The following MOV10L1 variants were observed in gnomAD, a reference collection of about 807,000 sequenced individuals.
The protein encoded by MOV10L1 is RNA helicase Mov10l1.
A neutral mutation model predicts 143.8 loss-of-function variants in MOV10L1; 110 were observed. The ratio of observed to expected loss-of-function variants is 0.76; its 90% CI spans 0.66 to 0.90. The LOEUF is 0.90. MOV10L1 is among the 40% of genes least tolerant of loss of function. MOV10L1 has a pLI of 0.00. For missense variants in MOV10L1, 1,406 were observed against 1,526.8 expected, an observed-to-expected ratio of 0.92 and a Z score of 1.32; for synonymous variants, 593 against 581.1, an observed-to-expected ratio of 1.02 and a Z score of -0.29.
chr22:50,126,144 G>A, intron 11 of MOV10L1, 58 bp from the exon 12 acceptor site: 1 of 1,252,894 alleles, frequency 8.0e-7, no homozygotes, highest in Non-Finnish European at 1.2e-6. Context: ...TTATAGGACA[G>A]CACAGAAATT....
chr22:50,099,510 C>T lies in MOV10L1; in HGVS notation c.350C>T (p.Pro117Leu), dbSNP rs149582724. 1.9e-6 allele frequency: 3 copies of T among 1,614,026 alleles called. No individual in the cohort carries two copies. Among genetic ancestry groups the T allele is most frequent in the African/African-American group, 2.7e-5 (2 of 74,916 alleles). Residue 117 changes from proline to leucine, a missense_variant, in exon 3 of 27, where the codon CCC (proline) becomes CTC (leucine). Around this residue, in one of 3 missense-constraint regions of MOV10L1, gnomAD observed 166 missense variants for 153.9 expected, o/e 1.08. Coordinates refer to ENST00000262794, the MANE Select transcript of MOV10L1 (RefSeq NM_018995.3). ...CATGGGAGTCCCTCAGACTGCGGCC[C>T]CCGAGTGTTGATTGGCTGTGTGACT... ...RNHGSPSDCGPRVLIGCVTSL... is the reference protein window; with the variant it reads ...RNHGSPSDCGLRVLIGCVTSL...
chr22:50,136,196 A>G (rs945156933), intron 15 of MOV10L1, among the ~76,000 whole-genome samples: 1 of 151,972 alleles, frequency 6.6e-6, no homozygotes, highest in African/African-American at 2.4e-5. Flanking sequence ...TCTTCCTTGG[A>G]CAGTGCTTTT....
rs774957726 is a variant in MOV10L1, at chr22:50,145,773, T to C, written c.2590T>C (p.Cys864Arg). 2.5e-6 allele frequency: 4 copies of C among 1,613,988 alleles called. No homozygotes were observed. In the African/African-American group the frequency reaches 5.3e-5, roughly 22 times the overall value. ...ACGCTTCCGGATAATCATCACCACA[T>C]GCAGCAGCTCAGGGCTGTTTTACCA... ...ASRFRIIITTCSSSGLFYQIG... is the reference protein window; with the variant it reads ...ASRFRIIITTRSSSGLFYQIG... The change falls in exon 19 of 27, where the codon TGC (cysteine) becomes CGC (arginine). Residue 864 changes from cysteine to arginine, a missense_variant. Physicochemically the swap from Cys to Arg is radical, Grantham distance 180 (BLOSUM62 -3). Coordinates refer to ENST00000262794, the MANE Select transcript of MOV10L1 (RefSeq NM_018995.3).
In MOV10L1 at chr22:50,090,052, C is replaced by CAGCGGCGGT; in HGVS notation, c.-36_-28dup. On this transcript the variant is annotated 5_prime_UTR_variant, in exon 1 of 27. Transcript: ENST00000262794. ...CGGCGCGGGCGCGTGCGGGCGGCGG[C>CAGCGGCGGT]AGCGGCGGTGACGGCAGCCTAGGCC... 3.6e-6 allele frequency: 3 copies of CAGCGGCGGT among 837,676 alleles called. No individual in the cohort carries two copies. Among genetic ancestry groups the CAGCGGCGGT allele is most frequent in the Non-Finnish European group, 4.6e-6 (3 of 656,136 alleles). 51.9% of individuals were successfully genotyped at this position (837,676 alleles called of 1,614,324 possible).
chr22:50,153,277 G>A, intron 22 of MOV10L1, 59 bp downstream of exon 22: 4 of 1,521,358 alleles, frequency 2.6e-6, no homozygotes, highest in Non-Finnish European at 3.6e-6. Context: ...ATGGCAGGAG[G>A]TCCTTCCTCC....
intron 9 of MOV10L1, among the ~76,000 whole-genome samples, chr22:50,118,149 C>T (rs886446409): frequency 1.2e-4 from 19 of 152,164 alleles, no homozygotes. Context: ...TGGACTTCTA[C>T]TTAGTTGCAG....
chr22:50,153,139 A>G lies in MOV10L1; in HGVS notation c.2987A>G (p.Asp996Gly). The G allele has an allele frequency of 3.7e-6, 6 of 1,613,862 alleles. No individual in the cohort carries two copies. The highest frequency in any genetic ancestry group is 5.1e-6 in the Non-Finnish European group (6 of 1,179,920). ...CACAGGGAACTCGAGGTCTGTGCGG[A>G]CCCCACAGTGGTGACCTCCTTGCTG... ...FYHRELEVCA[D>G]PTVVTSLLGW... The change falls in exon 22 of 27, where the codon GAC (aspartate) becomes GGC (glycine). Residue 996 changes from aspartate (D) to glycine (G), a missense_variant. Asp to Gly is a moderately conservative substitution (Grantham distance 94). Coordinates refer to ENST00000262794, the MANE Select transcript of MOV10L1 (RefSeq NM_018995.3).
chr22:50,153,271 C>T, intron 22 of MOV10L1, 53 bp downstream of exon 22: 1 of 1,540,590 alleles, frequency 6.5e-7, no homozygotes, highest in Non-Finnish European at 8.8e-7. Flanking sequence ...GACAGTATGG[C>T]AGGAGGTCCT....
At chr22:50,117,540 C>G (rs538928795) in intron 9 of MOV10L1, among the ~76,000 whole-genome samples, 189 bp downstream of exon 9, 1 of 152,242 alleles carries the variant, frequency 6.6e-6, no homozygotes, top group East Asian at 1.9e-4. Flanking sequence ...CTCTGAAGGT[C>G]AAGTTCTGTC....
intron 1 of MOV10L1, chr22:50,090,891 G>T (rs550416662): frequency 7.7e-6 from 2 of 261,008 alleles, no homozygotes; most frequent in East Asian, 1.2e-4. Context: ...GGTCAGGCTG[G>T]TCTCGAACTC....
chr22:50,135,748 C>T (rs991952316), intron 15 of MOV10L1, among the ~76,000 whole-genome samples: 1 of 139,184 alleles, frequency 7.2e-6, no homozygotes, highest in African/African-American at 2.7e-5. Flanking sequence ...GAGACTCCAT[C>T]TCAAAAAAAA....
chr22:50,151,395 C>G (rs1477086847), intron 21 of MOV10L1, among the ~76,000 whole-genome samples: 1 of 152,234 alleles, frequency 6.6e-6, no homozygotes, highest in Non-Finnish European at 1.5e-5. Flanking sequence ...CTGTAGCCCA[C>G]AGAAAAACAG....
At chr22:50,149,531 G>A (rs2063238668) in intron 19 of MOV10L1, 84 bp from the exon 20 acceptor site, 3 of 1,369,728 alleles carry the variant, frequency 2.2e-6, no homozygotes, top group Non-Finnish European at 3.0e-6. Flanking sequence ...CCGGGGTGCT[G>A]AGCGTGGCTT....
intron 9 of MOV10L1, among the ~76,000 whole-genome samples, chr22:50,118,381 G>A (rs1056495149): frequency 2.6e-5 from 4 of 152,130 alleles, no homozygotes; most frequent in African/African-American, 7.2e-5. Context: ...GCAGTTTTCT[G>A]GCACAAAGCA....
chr22:50,160,414 T>A (rs2063527325), intron 24 of MOV10L1, among the ~76,000 whole-genome samples: 1 of 133,364 alleles, frequency 7.5e-6, no homozygotes. Flanking sequence ...GCCCAGCTAA[T>A]TTTTTTTTTT....
In MOV10L1 at chr22:50,128,402, T is replaced by G. The variant is rs1384125620; in HGVS notation, c.1819-14T>G. 7.6e-7 allele frequency: 1 copy of G among 1,310,484 alleles called. No individual in the cohort carries two copies. Among genetic ancestry groups the G allele is most frequent in the Non-Finnish European group, 1.1e-6 (1 of 921,828 alleles). 81.2% of individuals were successfully genotyped at this position (1,310,484 alleles called of 1,614,324 possible). ...ATTTCAAGAAATCAGGTATATTGTT[T>G]GTTCCTTTTTTAGATTCATGAAGAA... On this transcript the variant is annotated splice_polypyrimidine_tract_variant and intron_variant, in intron 12 of 26. Transcript: ENST00000262794.
chr22:50,156,368 G>A (rs552299808), intron 22 of MOV10L1, among the ~76,000 whole-genome samples: 5 of 152,068 alleles, frequency 3.3e-5, no homozygotes, highest in Non-Finnish European at 5.9e-5. Flanking sequence ...TGCCCACCTC[G>A]GCCTCCCAAA....
At chr22:50,150,984 A>G (rs2063285723) in intron 21 of MOV10L1, 85 bp downstream of exon 21, 1 of 1,535,960 alleles carries the variant, frequency 6.5e-7, no homozygotes, top group South Asian at 1.2e-5. Flanking sequence ...TCTTCTGTCC[A>G]CCTGAGTCAT....
chr22:50,092,989 C>T (rs1370240601), intron 2 of MOV10L1: 1 of 152,204 alleles, frequency 6.6e-6, no homozygotes, highest in African/African-American at 2.4e-5. Flanking sequence ...CAAGCTCCGC[C>T]TCCTGGGTTC....
Sources: gnomAD v4.1 joint callset for allele counts (sites outside exome capture counted in the v4.1 genomes callset) on GRCh38, gnomAD v4.1.1 for gene constraint, gnomAD v4.1.1 regional missense constraint, MANE v1.5 for transcripts, NCBI Gene and HGNC (gene_info 2026-07-23, HGNC 2026-07-21) for gene names.